The following MALRD1 variants were observed in gnomAD, a reference collection of about 807,000 sequenced individuals.
MALRD1 encodes MAM and LDL receptor class A domain containing 1, also known as MAM and LDL-receptor class A domain-containing protein 1.
Under a neutral mutation model 242.1 loss-of-function variants are expected in MALRD1, and 247 were observed. The ratio of observed to expected loss-of-function variants is 1.02; its 90% confidence interval spans 0.92 to 1.13. The LOEUF (loss-of-function observed/expected upper bound fraction) is 1.13, where lower values mean the gene tolerates loss of function less well. Among genes scored for constraint, MALRD1 ranks in the 50% most tolerant of loss-of-function variants. The pLI is 0.00. For synonymous variants in MALRD1, 995 were observed against 866.6 expected (o/e 1.15, Z -2.60); for missense variants, 2,989 against 2,533.1 (o/e 1.18, Z -3.86).
At chr10:19,280,729 A>G (rs1281964241) in intron 20 of MALRD1, among the ~76,000 whole-genome samples, 9 of 152,230 alleles carry the variant, frequency 5.9e-5, no homozygotes, top group Admixed American at 5.2e-4. Context: ...TGCCAATTCA[A>G]TGGTACCTGC....
chr10:19,059,148 G>T (rs1479020709), intron 1 of MALRD1, among the ~76,000 whole-genome samples: 2 of 152,098 alleles, frequency 1.3e-5, no homozygotes, highest in East Asian at 1.9e-4. Context: ...GTGGACATTT[G>T]TGCAGCCATC....
intron 29 of MALRD1, among the ~76,000 whole-genome samples, chr10:19,480,722 G>A (rs10764038): frequency 0.86 from 130,992 of 152,194 alleles, 56,526 homozygotes; most frequent in East Asian, 1. Context: ...CTTGTTGCAT[G>A]AGACCATAGT....
At chr10:19,726,020 C>T (rs760878841) in intron 38 of MALRD1, among the ~76,000 whole-genome samples, 87 of 152,252 alleles carry the variant, frequency 5.7e-4, no homozygotes, top group Non-Finnish European at 8.8e-4. Context: ...GGTAAATCTT[C>T]ATGATCTTGG....
intron 33 of MALRD1, among the ~76,000 whole-genome samples, chr10:19,586,037 A>C (rs1474469248): frequency 6.6e-6 from 1 of 152,048 alleles, no homozygotes; most frequent in Non-Finnish European, 1.5e-5. Flanking sequence ...AGGCTTCTGC[A>C]TTCTTCACGT....
At chr10:19,434,359 T>C (rs1450279553) in intron 28 of MALRD1, among the ~76,000 whole-genome samples, 5 of 152,138 alleles carry the variant, frequency 3.3e-5, no homozygotes, top group Non-Finnish European at 5.9e-5. Context: ...ACACAGGTAT[T>C]TCTCCAAGAA....
intron 21 of MALRD1, among the ~76,000 whole-genome samples, chr10:19,321,351 G>A (rs995054643): frequency 3.3e-5 from 5 of 152,036 alleles, no homozygotes; most frequent in Non-Finnish European, 5.9e-5. Flanking sequence ...GTGTTGTACT[G>A]GAGTCAGATT....
In MALRD1 at chr10:19,223,097, A is replaced by T. The variant is rs117223090; in HGVS notation, c.2991+13417A>T. Among the ~76,000 whole-genome samples, 987 of 152,284 alleles carry T rather than the reference A, an allele frequency of 6.5e-3. 6 individuals are homozygous for T. The highest frequency in any genetic ancestry group is 9.7e-3 in the Non-Finnish European group (663 of 68,030). ...GGACATAATGGATTCTTCTTTCTTA[A>T]AAGTGGCATATTGACAATTTTAGTT... On this transcript the variant is annotated intron_variant, in intron 18 of 39. Coordinates refer to ENST00000454679, the MANE Select transcript of MALRD1 (RefSeq NM_001142308.3).
At chr10:19,247,350 A>T (rs1442210239) in intron 18 of MALRD1, among the ~76,000 whole-genome samples, 1 of 152,142 alleles carries the variant, frequency 6.6e-6, no homozygotes, top group African/African-American at 2.4e-5. Context: ...CACATAAGTA[A>T]TGAAATATCT....
At chr10:19,356,795 T>G (rs1844655765) in intron 26 of MALRD1, among the ~76,000 whole-genome samples, 1 of 152,042 alleles carries the variant, frequency 6.6e-6, no homozygotes, top group Non-Finnish European at 1.5e-5. Context: ...TTCAGCTATT[T>G]TCCTATTTAA....
chr10:19,585,550 G>T (rs1424899271), intron 33 of MALRD1, among the ~76,000 whole-genome samples: 2 of 151,894 alleles, frequency 1.3e-5, no homozygotes, highest in African/African-American at 4.8e-5. Flanking sequence ...GTTGAATATT[G>T]GCCCCCACTC....
chr10:19,331,374 C>A lies in MALRD1; in HGVS notation c.3693C>A (p.Val1231=). The stretch of plus-strand genomic sequence containing the variant: ...TAACTGGCTTTTTTTTTTAGATTGT[C>A]TTCAGAGCCAAACGTGGTATCAGTT... The part of the protein sequence containing the change: ...FLGIRSHTQI[V]FRAKRGISYI... The change falls in exon 24 of 40, where the codon GTC becomes GTA. Residue 1231 remains valine, a synonymous_variant. Transcript: ENST00000454679. 1 of 1,548,818 alleles carries A rather than the reference C, an allele frequency of 6.5e-7. No homozygotes were observed. The highest frequency in any genetic ancestry group is 8.7e-7 in the Non-Finnish European group (1 of 1,146,162).
intron 19 of MALRD1, among the ~76,000 whole-genome samples, chr10:19,262,481 C>T (rs114742428): frequency 1.3e-5 from 2 of 151,768 alleles, no homozygotes; most frequent in East Asian, 1.9e-4. Flanking sequence ...CATGGTGAAA[C>T]GTGGTCTATA....
At chr10:19,506,592 A>G (rs777735637) in intron 31 of MALRD1, among the ~76,000 whole-genome samples, 2 of 152,122 alleles carry the variant, frequency 1.3e-5, no homozygotes, top group Non-Finnish European at 2.9e-5. Context: ...AGATATATAT[A>G]TATATTTCCA....
At chr10:19,458,260 C>G (rs1461881674) in intron 29 of MALRD1, among the ~76,000 whole-genome samples, 1 of 152,138 alleles carries the variant, frequency 6.6e-6, no homozygotes, top group Non-Finnish European at 1.5e-5. Flanking sequence ...AACTAAATCC[C>G]TGCAAATATT....
rs1205255863 is a variant in MALRD1 at position 19,203,749 on chromosome 10, C to T, written c.1973C>T (p.Ala658Val). The change falls in exon 15 of 40, where the codon GCA becomes GTA. Residue 658 changes from alanine (A) to valine (V), a missense_variant. Ala to Val is a moderately conservative substitution (Grantham distance 64). Coordinates refer to ENST00000454679, the MANE Select transcript of MALRD1 (RefSeq NM_001142308.3). ...QSKFSKCDFEANSCDWFEAIS... is the reference protein window; with the variant it reads ...QSKFSKCDFEVNSCDWFEAIS... ...TCAGTTTCCAAGTGTGACTTTGAAG[C>T]AAACAGCTGTGATTGGTTTGAAGCA... 15 of 1,537,812 alleles carry T rather than the reference C, an allele frequency of 9.8e-6. No individual in the cohort carries two copies. The highest frequency in any genetic ancestry group is 1.3e-5 in the Non-Finnish European group (15 of 1,138,070).
intron 21 of MALRD1, among the ~76,000 whole-genome samples, chr10:19,309,410 A>C (rs1463569241): frequency 1.3e-5 from 2 of 151,680 alleles, no homozygotes; most frequent in African/African-American, 4.8e-5. Context: ...GACCATATTT[A>C]TACCTCTGTA....
chr10:19,114,198 T>C (rs1048624215), intron 5 of MALRD1, among the ~76,000 whole-genome samples: 1 of 152,214 alleles, frequency 6.6e-6, no homozygotes, highest in Non-Finnish European at 1.5e-5. Flanking sequence ...CCTCAAACTA[T>C]ATAATGAGGC....
intron 28 of MALRD1, among the ~76,000 whole-genome samples, chr10:19,428,889 TA>T (rs200781057): frequency 6.6e-6 from 1 of 152,144 alleles, no homozygotes; most frequent in Non-Finnish European, 1.5e-5. Context: ...TGAAGCTCTT[TA>T]AAAAAATTGT....
chr10:19,484,294 T>G (rs527829582), intron 29 of MALRD1, among the ~76,000 whole-genome samples: 52 of 152,256 alleles, frequency 3.4e-4, no homozygotes, highest in African/African-American at 1.1e-3. Flanking sequence ...ATTATAAAAA[T>G]AAGAAAAGTT....
Sources: allele counts gnomAD v4.1 joint callset (sites outside exome capture counted in the v4.1 genomes callset), GRCh38; gene constraint gnomAD v4.1.1; transcripts MANE v1.5; gene names NCBI Gene and HGNC (gene_info 2026-07-23, HGNC 2026-07-21).